Variants in SLC22A8 observed in about 807,000 individuals in gnomAD.
SLC22A8 encodes organic anion transporter 3.
A neutral mutation model predicts 48.4 loss-of-function variants in SLC22A8; 40 were observed. The observed-to-expected ratio is 0.83, with a 90% CI of 0.64 to 1.08. The LOEUF (loss-of-function observed/expected upper bound fraction) is 1.08, where lower values mean the gene tolerates loss of function less well. Among genes scored for constraint, SLC22A8 ranks in the 50% least tolerant of loss-of-function variants. SLC22A8 has a pLI of 0.00. For synonymous variants in SLC22A8, 268 were observed against 286.3 expected (o/e 0.94, Z 0.65); for missense variants, 606 against 699.0 (o/e 0.87, Z 1.50).
chr11:62,994,401 AAG>A (rs1227917443), intron 8 of SLC22A8, 139 bp downstream of exon 8: 1 of 649,554 alleles, frequency 1.5e-6, no homozygotes, highest in Non-Finnish European at 2.7e-6. Flanking sequence ...TATTTTCTAG[AAG>A]AGAGACCCTG....
At position 62,993,353 on chromosome 11, in the gene SLC22A8, A is replaced by G; in HGVS notation, c.1530-17T>C. On this transcript the variant is annotated splice_polypyrimidine_tract_variant and intron_variant, in intron 10 of 10. Coordinates refer to ENST00000336232, the MANE Select transcript of SLC22A8 (RefSeq NM_004254.4). ...CGCAGGGACCTAGGGACAGAGAGCT[A>G]AGGAAAAGCCCTGGGCCCAGACCTG... 6.2e-7 allele frequency: 1 copy of G among 1,613,818 alleles called. No individual in the cohort carries two copies. Among genetic ancestry groups the G allele is most frequent in the Non-Finnish European group, 8.5e-7 (1 of 1,179,704 alleles).
At position 62,996,098 on chromosome 11, in the gene SLC22A8, G is replaced by C; in HGVS notation, c.816C>G (p.Ala272=). The C allele has an allele frequency of 1.2e-6, 2 of 1,613,882 alleles. No homozygotes were observed. Among genetic ancestry groups the C allele is most frequent in the Non-Finnish European group, 1.7e-6 (2 of 1,179,902 alleles). Residue 272 remains alanine, a synonymous_variant, in exon 6 of 11, where the codon GCC becomes GCG. Transcript: ENST00000336232. The part of the protein sequence containing the change: ...WLVLSGKSSK[A]LKILRRVAVF... ...CAGCCACCCGCCGGAGTATCTTCAGGGCCTTCGAGGACTTTCCAGACAAGA... is the reference window on the plus strand; with the variant it reads ...CAGCCACCCGCCGGAGTATCTTCAGCGCCTTCGAGGACTTTCCAGACAAGA...
rs758755852 is a variant in SLC22A8, at chr11:63,014,751, G to T, written c.208C>A (p.Pro70Thr). Residue 70 changes from proline (P) to threonine (T), a missense_variant, in exon 2 of 11, where the codon CCT becomes ACT. By Grantham distance (38) the Pro-to-Thr change is conservative. Coordinates refer to ENST00000336232, the MANE Select transcript of SLC22A8 (RefSeq NM_004254.4). Reference sequence around the variant, plus strand: ...TGTACAAAACGGAGGCACCTCTCAGGCTTCCCATTTGGGCCCATGGGGAGC... The same window carrying T: ...TGTACAAAACGGAGGCACCTCTCAGTCTTCCCATTTGGGCCCATGGGGAGC... ...WVLPMGPNGK[P>T]ERCLRFVHPP... 1.2e-6 allele frequency: 2 copies of T among 1,614,112 alleles called. No homozygotes were observed. The highest frequency in any genetic ancestry group is 1.3e-5 in the African/African-American group (1 of 75,048).
chr11:62,998,497 C>T (rs2086449870), intron 5 of SLC22A8, among the ~76,000 whole-genome samples: 1 of 152,208 alleles, frequency 6.6e-6, no homozygotes, highest in Non-Finnish European at 1.5e-5. Context: ...CTCCCAGCAC[C>T]ATCCCCTCCC....
At chr11:63,006,595 G>GTTTTTTTT (rs58058368) in intron 2 of SLC22A8, among the ~76,000 whole-genome samples, 649 of 51,424 alleles carry the variant, frequency 0.013, 153 homozygotes, top group East Asian at 0.022. Flanking sequence ...TCTCATTTGA[G>GTTTTTTTT]TTTTTTTTTT....
chr11:63,010,616 C>T (rs541960140), intron 2 of SLC22A8, among the ~76,000 whole-genome samples: 22 of 152,280 alleles, frequency 1.4e-4, no homozygotes, highest in Non-Finnish European at 2.2e-4. Context: ...CATTAATGGC[C>T]GGGCAGGGAC....
At chr11:62,995,589 G>A in intron 7 of SLC22A8, 115 bp downstream of exon 7, 1 of 740,790 alleles carries the variant, frequency 1.3e-6, no homozygotes, top group East Asian at 2.5e-5. Context: ...CCCAGGAGAG[G>A]GGATTCTCTG....
chr11:63,009,072 G>A (rs1057511374), intron 2 of SLC22A8, among the ~76,000 whole-genome samples: 4 of 152,132 alleles, frequency 2.6e-5, no homozygotes, highest in Admixed American at 1.3e-4. Context: ...AGTGGTTTGG[G>A]TGGGGCTCTC....
intron 2 of SLC22A8, among the ~76,000 whole-genome samples, chr11:63,013,486 G>A (rs543801071): frequency 6.6e-6 from 1 of 152,250 alleles, no homozygotes; most frequent in African/African-American, 2.4e-5. Context: ...AGGGGTTCAT[G>A]GTACCCAAGG....
At chr11:63,002,909 TAAAG>T (rs2086514250) in intron 2 of SLC22A8, among the ~76,000 whole-genome samples, 1 of 152,188 alleles carries the variant, frequency 6.6e-6, no homozygotes, top group African/African-American at 2.4e-5. Flanking sequence ...ATTTTACAGA[TAAAG>T]AACCTGAGGC....
At chr11:63,009,479 C>A (rs1565301552) in intron 2 of SLC22A8, among the ~76,000 whole-genome samples, 1 of 152,166 alleles carries the variant, frequency 6.6e-6, no homozygotes, top group Non-Finnish European at 1.5e-5. Context: ...CTTGCTCATC[C>A]ATGGCCAGGC....
Position 63,014,846 on chromosome 11 carries a change from T to C in SLC22A8, c.113A>G (p.Gln38Arg). 6.2e-7 allele frequency: 1 copy of C among 1,612,326 alleles called. No individual in the cohort carries two copies. The highest frequency in any genetic ancestry group is 8.5e-7 in the Non-Finnish European group (1 of 1,178,688). The stretch of plus-strand genomic sequence containing the variant: ...GACAGGGGTGGCGGCTGTGAAGATC[T>C]GCAGCAGGTTGTGGTTGGCCATGTT... ...ILNMANHNLL[Q>R]IFTAATPVHH... Residue 38 changes from glutamine to arginine, a missense_variant, in exon 2 of 11, where the codon CAG becomes CGG. By Grantham distance (43) the Gln-to-Arg change is conservative. Transcript: ENST00000336232.
chr11:62,998,621 C>G (rs1014045719), intron 5 of SLC22A8, among the ~76,000 whole-genome samples: 3 of 152,172 alleles, frequency 2.0e-5, no homozygotes, highest in African/African-American at 7.2e-5. Context: ...TTCTACCTCC[C>G]TCCATATGAA....
At chr11:63,000,664 A>G in intron 3 of SLC22A8, 56 bp downstream of exon 3, 1 of 1,264,062 alleles carries the variant, frequency 7.9e-7, no homozygotes, top group Non-Finnish European at 1.2e-6. Context: ...GGAGCAGAGT[A>G]GGGAAGGGTT....
At chr11:63,002,515 CTCCCCAT>C (rs1239316247) in intron 2 of SLC22A8, among the ~76,000 whole-genome samples, 2 of 152,110 alleles carry the variant, frequency 1.3e-5, no homozygotes, top group African/African-American at 4.8e-5. Context: ...TGATCAGTAA[CTCCCCAT>C]TCCTTTCCCC....
At chr11:63,012,805 G>C (rs2086634222) in intron 2 of SLC22A8, among the ~76,000 whole-genome samples, 1 of 152,230 alleles carries the variant, frequency 6.6e-6, no homozygotes, top group African/African-American at 2.4e-5. Flanking sequence ...CTCCTGGAGG[G>C]AACGCAGGGC....
intron 8 of SLC22A8, 113 bp from the exon 9 acceptor site, chr11:62,993,991 C>T (rs1464558019): frequency 2.8e-6 from 2 of 712,336 alleles, no homozygotes; most frequent in Non-Finnish European, 5.1e-6. Flanking sequence ...AGCTCAGATC[C>T]AAACTTAAAG....
intron 2 of SLC22A8, among the ~76,000 whole-genome samples, chr11:63,008,284 G>C (rs573332343): frequency 2.6e-5 from 4 of 152,348 alleles, no homozygotes; most frequent in South Asian, 2.1e-4. Flanking sequence ...GGGCCCTGCT[G>C]TGTGTGCGGG....
In SLC22A8 at chr11:62,993,040, C is replaced by A. The variant is rs564328709; in HGVS notation, c.*197G>T. 10 of 586,740 alleles carry A rather than the reference C, an allele frequency of 1.7e-5. No individual in the cohort carries two copies. Among genetic ancestry groups the A allele is most frequent in the Admixed American group, 1.2e-4 (4 of 32,810 alleles). The allele number at this position is 586,740 out of a possible 1,614,324, so 36.3% of individuals were successfully genotyped here. A position where few individuals can be genotyped will look rare whatever the true frequency, so the allele number is the denominator to read the frequency against. On this transcript the variant is annotated 3_prime_UTR_variant, in exon 11 of 11. Coordinates refer to ENST00000336232, the MANE Select transcript of SLC22A8 (RefSeq NM_004254.4). Reference sequence around the variant, plus strand: ...GGCAGGGCCTGGGTTGCAGGGAGAACAAGGGCAGGGATGGCTGAACCTTTG... The same window carrying A: ...GGCAGGGCCTGGGTTGCAGGGAGAAAAAGGGCAGGGATGGCTGAACCTTTG...
Sources: allele counts gnomAD v4.1 joint callset (sites outside exome capture counted in the v4.1 genomes callset), GRCh38; gene constraint gnomAD v4.1.1; transcripts MANE v1.5; gene names NCBI Gene and HGNC (gene_info 2026-07-23, HGNC 2026-07-21).